Variants in DOCK1 observed in about 807,000 individuals in gnomAD.
The protein encoded by DOCK1 is dedicator of cytokinesis 1.
A neutral mutation model predicts 262.7 loss-of-function variants in DOCK1; 138 were observed. The observed-to-expected ratio is 0.53, with a 90% confidence interval of 0.46 to 0.61. The LOEUF is 0.61. DOCK1 is among the 20% of genes least tolerant of loss of function. DOCK1 has a pLI of 0.00. For missense variants in DOCK1, 1,908 were observed against 2,370.7 expected (o/e 0.80, Z 4.05); for synonymous variants, 866 against 867.4 (o/e 1.00, Z 0.03).
intron 19 of DOCK1, among the ~76,000 whole-genome samples, chr10:127,038,164 C>T (rs11018257): frequency 0.045 from 6,915 of 152,056 alleles, 215 homozygotes; most frequent in Non-Finnish European, 0.068. Flanking sequence ...ACCCAGGAGG[C>T]GGAGGTTGCA....
At chr10:126,917,594 G>A (rs1396331680) in intron 1 of DOCK1, among the ~76,000 whole-genome samples, 2 of 152,150 alleles carry the variant, frequency 1.3e-5, no homozygotes, top group African/African-American at 2.4e-5. Context: ...TGGCTGATCC[G>A]AGTCAGGCCC....
chr10:127,438,808 A>G (rs1027000734), intron 48 of DOCK1, among the ~76,000 whole-genome samples: 14 of 152,228 alleles, frequency 9.2e-5, no homozygotes, highest in African/African-American at 2.7e-4. Context: ...CATTTGCCCT[A>G]TCGTGCTAAG....
intron 1 of DOCK1, among the ~76,000 whole-genome samples, chr10:126,916,844 C>T (rs1392780610): frequency 6.6e-6 from 1 of 152,102 alleles, no homozygotes; most frequent in East Asian, 1.9e-4. Context: ...TCTTCCATAT[C>T]TGAAACTCTC....
intron 49 of DOCK1, among the ~76,000 whole-genome samples, chr10:127,441,790 G>A (rs1300713589): frequency 1.4e-5 from 2 of 138,890 alleles, no homozygotes; most frequent in African/African-American, 5.4e-5. Context: ...CCTCACCCCT[G>A]TGGCTGGGTT....
intron 27 of DOCK1, among the ~76,000 whole-genome samples, chr10:127,211,385 G>T (rs1467400481): frequency 6.6e-6 from 1 of 152,172 alleles, no homozygotes; most frequent in African/African-American, 2.4e-5. Flanking sequence ...CCCCTGATAA[G>T]CATGCTCCTA....
Position 127,374,234 on chromosome 10 carries a change from C to T in DOCK1, c.3675+20C>T, listed in dbSNP as rs752653180. Reference sequence around the variant, plus strand: ...GTGCTGGTGAGTGAAAGCTTAATCACGTTTTTTCAGTTTTCACAGCACACC... The same window carrying T: ...GTGCTGGTGAGTGAAAGCTTAATCATGTTTTTTCAGTTTTCACAGCACACC... On this transcript the variant is annotated intron_variant, in intron 35 of 51. Coordinates refer to ENST00000623213, the MANE Select transcript of DOCK1 (RefSeq NM_001290223.2). The T allele has an allele frequency of 1.6e-5, 26 of 1,596,034 alleles. No homozygotes were observed. The highest frequency in any genetic ancestry group is 3.5e-5 in the Admixed American group (2 of 56,880).
rs397791226 is a variant in DOCK1 at position 127,448,813 on chromosome 10, T to TA, written c.5565+1269dup. 5.6e-3 allele frequency among the ~76,000 whole-genome samples: 835 copies of TA among 149,902 alleles called. 11 individuals are homozygous for TA. The highest frequency in any genetic ancestry group is 0.02 in the African/African-American group (796 of 40,284). On this transcript the variant is annotated intron_variant, in intron 51 of 51. Transcript: ENST00000623213. ...AATGGTGAGACATGGTTTTTTTTTT[T>TA]ATTTTTCTTTAATAAACAATATAAA...
intron 27 of DOCK1, chr10:127,145,819 A>G: frequency 3.0e-6 from 1 of 333,998 alleles, no homozygotes; most frequent in Non-Finnish European, 5.9e-6. Flanking sequence ...CACTAAACGT[A>G]GCAGTGATAG....
At chr10:127,068,325 A>C (rs1237102757) in intron 23 of DOCK1, among the ~76,000 whole-genome samples, 1 of 152,196 alleles carries the variant, frequency 6.6e-6, no homozygotes, top group Non-Finnish European at 1.5e-5. Flanking sequence ...TGTCCTCAGA[A>C]CAAATGATCT....
chr10:126,962,269 C>T (rs986470013), intron 1 of DOCK1, among the ~76,000 whole-genome samples: 2 of 152,092 alleles, frequency 1.3e-5, no homozygotes, highest in Admixed American at 6.5e-5. Context: ...GAACAATTCT[C>T]CTGCTTCAGC....
intron 43 of DOCK1, among the ~76,000 whole-genome samples, chr10:127,411,543 A>C: frequency 6.6e-6 from 1 of 152,170 alleles, no homozygotes; most frequent in East Asian, 1.9e-4. Context: ...GGGACAACCA[A>C]TCAAAAAGAT....
At chr10:127,222,708 C>T (rs928401020) in intron 27 of DOCK1, among the ~76,000 whole-genome samples, 3 of 151,792 alleles carry the variant, frequency 2.0e-5, no homozygotes, top group African/African-American at 4.8e-5. Flanking sequence ...CTCTGCCACC[C>T]AGGCTGGAGT....
chr10:127,233,821 G>C (rs1330337496), intron 27 of DOCK1, among the ~76,000 whole-genome samples: 1 of 152,194 alleles, frequency 6.6e-6, no homozygotes, highest in South Asian at 2.1e-4. Context: ...CATATAAGTT[G>C]TGTTTTGAAG....
chr10:127,416,065 C>G (rs893655087), intron 44 of DOCK1, among the ~76,000 whole-genome samples: 1 of 152,220 alleles, frequency 6.6e-6, no homozygotes, highest in African/African-American at 2.4e-5. Context: ...TGCCCAGCTG[C>G]GTGTCCAGCG....
At chr10:127,352,290 TCGGGGAGGGGTGAAGAGGAG>T (rs1418313225) in intron 31 of DOCK1, among the ~76,000 whole-genome samples, 1 of 11,284 alleles carries the variant, frequency 8.9e-5, no homozygotes, top group African/African-American at 3.7e-4. Context: ...GTGGGAAGCA[TCGGGGAGGGGTGAAGAGGAG>T]CGGGGAGGGG....
intron 1 of DOCK1, among the ~76,000 whole-genome samples, chr10:126,962,921 C>T (rs911287527): frequency 9.9e-5 from 15 of 151,452 alleles, no homozygotes; most frequent in Non-Finnish European, 4.4e-5. Context: ...TATAATAATC[C>T]AACTTCATTT....
At position 127,259,279 on chromosome 10, in the gene DOCK1, C is replaced by A. The variant is rs895872245; in HGVS notation, c.3044+1850C>A. On this transcript the variant is annotated intron_variant, in intron 29 of 51. Coordinates refer to ENST00000623213, the MANE Select transcript of DOCK1 (RefSeq NM_001290223.2). ...TGTGGCCTTCTCTCAGCTTCTCAGT[C>A]GTCATCTAGAAAATGGTGGACTTAA... Among the ~76,000 whole-genome samples the A allele has an allele frequency of 2.0e-5, 3 of 152,200 alleles. No homozygotes were observed. The East Asian group carries it at 5.8e-4, about 29-fold the overall frequency.
intron 33 of DOCK1, among the ~76,000 whole-genome samples, chr10:127,366,092 A>T (rs1198455940): frequency 6.6e-6 from 1 of 152,068 alleles, no homozygotes; most frequent in Non-Finnish European, 1.5e-5. Context: ...TTCACCCACA[A>T]GAAGGACCCA....
At chr10:127,191,660 A>C (rs1413966878) in intron 27 of DOCK1, among the ~76,000 whole-genome samples, 1 of 152,194 alleles carries the variant, frequency 6.6e-6, no homozygotes, top group Non-Finnish European at 1.5e-5. Context: ...ATCTCACATC[A>C]CCAGTGGAAT....
Sources: allele counts gnomAD v4.1 joint callset (sites outside exome capture counted in the v4.1 genomes callset), GRCh38; gene constraint gnomAD v4.1.1; transcripts MANE v1.5; gene names NCBI Gene and HGNC (gene_info 2026-07-23, HGNC 2026-07-21).